The following WDR27 variants were observed in gnomAD, a reference collection of about 807,000 sequenced individuals.
The protein encoded by WDR27 is WD repeat-containing protein 27.
In WDR27, 100 loss-of-function variants were observed where a neutral mutation model predicts 114.4. The observed-to-expected ratio is 0.87, with a 90% CI of 0.74 to 1.03. WDR27 has a LOEUF of 1.03. WDR27 is among the 50% of genes least tolerant of loss of function. WDR27 has a pLI of 0.00. For missense variants in WDR27, 1,129 were observed against 1,092.9 expected (o/e 1.03, Z -0.47); for synonymous variants, 449 against 423.1 (o/e 1.06, Z -0.75).
chr6:169,526,885 G>C (rs2128073201), intron 25 of WDR27, among the ~76,000 whole-genome samples: 1 of 152,274 alleles, frequency 6.6e-6, no homozygotes, highest in East Asian at 1.9e-4. Flanking sequence ...TATGCAGATA[G>C]CCAAGAAACA....
chr6:169,659,441 C>G lies in WDR27; in HGVS notation c.1197+10G>C. On this transcript the variant is annotated intron_variant, in intron 11 of 25. Transcript: ENST00000448612. The surrounding 1 kb of genome is among the most constrained non-coding windows in gnomAD (Gnocchi z 4.3). ...CTCATAGACAGGGAGGGCCGCGTCT[C>G]AGGACTGACCTTTTGATCCGCAGTG... is the stretch of plus-strand genomic sequence containing the variant. 6.2e-7 allele frequency: 1 copy of G among 1,606,296 alleles called. No individual in the cohort carries two copies. Among genetic ancestry groups the G allele is most frequent in the Non-Finnish European group, 8.5e-7 (1 of 1,176,408 alleles).
chr6:169,621,485 C>T (rs1813225129), intron 21 of WDR27, among the ~76,000 whole-genome samples: 1 of 151,980 alleles, frequency 6.6e-6, no homozygotes, highest in Admixed American at 6.6e-5. Context: ...CATGTGCATG[C>T]ACACATATAC....
intron 3 of WDR27, 101 bp from the exon 4 acceptor site, chr6:169,670,794 C>G (rs1778526572): frequency 1.4e-6 from 2 of 1,425,226 alleles, no homozygotes; most frequent in Admixed American, 3.9e-5. Flanking sequence ...TCTAAAATTA[C>G]TGAGAGAATG....
intron 25 of WDR27, among the ~76,000 whole-genome samples, chr6:169,462,779 A>C (rs1487522988): frequency 6.6e-6 from 1 of 152,210 alleles, no homozygotes; most frequent in Non-Finnish European, 1.5e-5. Flanking sequence ...ACAAATTGGA[A>C]TTTATTCCTG....
chr6:169,597,039 T>C (rs550116236), intron 23 of WDR27, among the ~76,000 whole-genome samples: 39 of 152,316 alleles, frequency 2.6e-4, no homozygotes, highest in South Asian at 4.1e-4. Flanking sequence ...TATTAAATGT[T>C]GTTCATTATT....
At chr6:169,515,866 T>C (rs1793568967) in intron 25 of WDR27, among the ~76,000 whole-genome samples, 2 of 150,934 alleles carry the variant, frequency 1.3e-5, no homozygotes, top group South Asian at 4.1e-4. Flanking sequence ...AAAAGATACA[T>C]AAGAAAACAC....
chr6:169,642,176 C>T (rs1007476796), intron 17 of WDR27, among the ~76,000 whole-genome samples: 1 of 152,128 alleles, frequency 6.6e-6, no homozygotes, highest in South Asian at 2.1e-4. Flanking sequence ...ACTCATTTTT[C>T]TGTGTTCTGG....
At chr6:169,492,763 C>T (rs1433142527) in intron 25 of WDR27, among the ~76,000 whole-genome samples, 1 of 151,952 alleles carries the variant, frequency 6.6e-6, no homozygotes, top group Non-Finnish European at 1.5e-5. Flanking sequence ...TAAAAATGTG[C>T]TAGTAACAAA....
At chr6:169,427,580 G>T in the WDR27 span, among the ~76,000 whole-genome samples, 3 of 152,130 alleles carry the variant, frequency 2.0e-5, no homozygotes, top group Non-Finnish European at 4.4e-5. Context: ...CTGGGTCTCT[G>T]GTGTCTTTCC....
chr6:169,589,187 TA>T (rs1805234964), intron 23 of WDR27, among the ~76,000 whole-genome samples: 1 of 152,194 alleles, frequency 6.6e-6, no homozygotes, highest in African/African-American at 2.4e-5. Flanking sequence ...ATTAAATGGA[TA>T]AGGGAAATTA....
At chr6:169,446,997 T>C in the WDR27 span, among the ~76,000 whole-genome samples, 1 of 152,370 alleles carries the variant, frequency 6.6e-6, no homozygotes, top group East Asian at 1.9e-4. Flanking sequence ...TACATCTTTT[T>C]TTATTTTCTC....
chr6:169,431,859 A>C, the WDR27 span, among the ~76,000 whole-genome samples: 1 of 152,212 alleles, frequency 6.6e-6, no homozygotes, highest in African/African-American at 2.4e-5. Flanking sequence ...TAAAATATAC[A>C]ATCTAAATAG....
intron 22 of WDR27, among the ~76,000 whole-genome samples, chr6:169,606,056 T>A (rs1809106161): frequency 6.6e-6 from 1 of 152,112 alleles, no homozygotes; most frequent in Non-Finnish European, 1.5e-5. Flanking sequence ...GGCAAAGAAT[T>A]CATGACTAAG....
intron 16 of WDR27, among the ~76,000 whole-genome samples, chr6:169,644,187 T>G (rs541362604): frequency 1.4e-4 from 20 of 143,804 alleles, no homozygotes; most frequent in African/African-American, 4.7e-4. Context: ...GGAGTCACAC[T>G]GTAGAAAAGC....
chr6:169,560,620 G>A (rs1266009593), intron 25 of WDR27, among the ~76,000 whole-genome samples: 1 of 152,184 alleles, frequency 6.6e-6, no homozygotes, highest in African/African-American at 2.4e-5. Context: ...TGGCCCTCTT[G>A]TTGATGGGAC....
intron 23 of WDR27, among the ~76,000 whole-genome samples, chr6:169,598,471 A>G (rs2128164992): frequency 6.6e-6 from 1 of 152,300 alleles, no homozygotes; most frequent in East Asian, 1.9e-4. Flanking sequence ...TGGTAATGGC[A>G]TTAATCCTTG....
At chr6:169,436,538 AATG>A in the WDR27 span, among the ~76,000 whole-genome samples, 1 of 152,124 alleles carries the variant, frequency 6.6e-6, no homozygotes, top group South Asian at 2.1e-4. Context: ...CTGTTAAAAA[AATG>A]ATTAGAAGAT....
At position 169,659,202 on chromosome 6, in the gene WDR27, C is replaced by G; in HGVS notation, c.1203G>C (p.Leu401=). Residue 401 remains leucine (L), a synonymous_variant, in exon 12 of 26, where the codon CTG becomes CTC. Transcript: ENST00000448612. The surrounding 1 kb of genome is among the most constrained non-coding windows in gnomAD (Gnocchi z 4.3). ...CGCCAAAGAGGGAGGCCAGCAAGCA[C>G]AGCACCTGCAGGGACGCGGTTTCAA... ...LRNRTADQKV[L]CLLASLFGGK... 1 of 1,594,554 alleles carries G rather than the reference C, an allele frequency of 6.3e-7. No homozygotes were observed. Among genetic ancestry groups the G allele is most frequent in the Non-Finnish European group, 8.5e-7 (1 of 1,172,960 alleles).
chr6:169,468,478 T>TACAAAACCATC (rs1389181884), intron 25 of WDR27, among the ~76,000 whole-genome samples: 1 of 152,184 alleles, frequency 6.6e-6, no homozygotes, highest in Non-Finnish European at 1.5e-5. Flanking sequence ...GAAATCCCCT[T>TACAAAACCATC]ACAAAACCAT....
Sources: gnomAD v4.1 joint callset for allele counts (sites outside exome capture counted in the v4.1 genomes callset) on GRCh38, gnomAD v4.1.1 for gene constraint, Gnocchi (gnomAD v3.1) non-coding constraint, MANE v1.5 for transcripts, NCBI Gene and HGNC (gene_info 2026-07-23, HGNC 2026-07-21) for gene names.